Variants in PAAF1 observed in about 807,000 individuals in gnomAD.
The protein encoded by PAAF1 is proteasomal ATPase associated factor 1.
In PAAF1, 46 loss-of-function variants were observed where a neutral mutation model predicts 52.8. That is an observed-to-expected ratio of 0.87 (90% CI 0.69 to 1.11). The LOEUF is 1.11. PAAF1 is among the 50% of genes most tolerant of loss of function. The pLI is 0.00. For missense variants in PAAF1, 424 were observed against 477.4 expected (o/e 0.89, Z 1.04); for synonymous variants, 178 against 172.8 (o/e 1.03, Z -0.24).
In PAAF1 at chr11:73,916,622, A is replaced by ATTTG. The variant is rs765867314; in HGVS notation, c.897_898insTTTG (p.Asp300PhefsTer40). On this transcript the variant is annotated frameshift_variant, in exon 9 of 12. Coordinates refer to ENST00000310571, the MANE Select transcript of PAAF1 (RefSeq NM_025155.3). LOFTEE classifies it high-confidence loss of function. ...GCTTCTTGCTATTGGCTGGGACTCA[A>ATTTG]GATGGAAACATTTATCAGCTGGATG... 3.1e-6 allele frequency: 5 copies of ATTTG among 1,614,142 alleles called. No individual in the cohort carries two copies. The highest frequency in any genetic ancestry group is 3.4e-6 in the Non-Finnish European group (4 of 1,179,980).
rs748778602 is a variant in PAAF1 at position 73,927,383 on chromosome 11, C to T, written c.*21C>T. On this transcript the variant is annotated 3_prime_UTR_variant, in exon 12 of 12. Coordinates refer to ENST00000310571, the MANE Select transcript of PAAF1 (RefSeq NM_025155.3). The stretch of plus-strand genomic sequence containing the variant: ...TCTGACTTCTTGGAAAGAGCAGTCC[C>T]GGTTAGTGAAAAGGTTTGACCCTGA... 3.1e-6 allele frequency: 5 copies of T among 1,599,922 alleles called. No individual in the cohort carries two copies. The highest frequency in any genetic ancestry group is 1.1e-5 in the South Asian group (1 of 90,702).
intron 9 of PAAF1, among the ~76,000 whole-genome samples, chr11:73,918,568 C>T (rs1403232459): frequency 6.6e-6 from 1 of 151,254 alleles, no homozygotes; most frequent in Non-Finnish European, 1.5e-5. Context: ...GCTCCACCTC[C>T]CGGGTTCCCG....
intron 7 of PAAF1, among the ~76,000 whole-genome samples, chr11:73,912,918 G>A (rs1025948968): frequency 4.6e-5 from 7 of 151,826 alleles, no homozygotes; most frequent in Non-Finnish European, 8.8e-5. Context: ...TCCCTCTTTT[G>A]CCAGGCTGAA....
At chr11:73,888,388 A>C (rs1319506488) in intron 3 of PAAF1, among the ~76,000 whole-genome samples, 1 of 152,224 alleles carries the variant, frequency 6.6e-6, no homozygotes, top group African/African-American at 2.4e-5. Flanking sequence ...AAGAGCCTAC[A>C]TTAATAGTAC....
chr11:73,899,217 C>A lies in PAAF1; in HGVS notation c.354C>A (p.Ile118=). 1 of 1,614,000 alleles carries A rather than the reference C, an allele frequency of 6.2e-7. No homozygotes were observed. The highest frequency in any genetic ancestry group is 8.5e-7 in the Non-Finnish European group (1 of 1,179,974). Residue 118 remains isoleucine, a synonymous_variant, in exon 5 of 12, where the codon ATC becomes ATA. Transcript: ENST00000310571. Reference sequence around the variant, plus strand: ...CTAGTACTGACGGGACCATGAAAATCTGGCAGGCTTCCAATGGAGAACTCA... The same window carrying A: ...CTAGTACTGACGGGACCATGAAAATATGGCAGGCTTCCAATGGAGAACTCA... The part of the protein sequence containing the change: ...VSSSTDGTMK[I]WQASNGELRR...
intron 3 of PAAF1, among the ~76,000 whole-genome samples, chr11:73,890,531 T>C (rs1949170058): frequency 1.3e-5 from 2 of 152,180 alleles, no homozygotes; most frequent in African/African-American, 4.8e-5. Context: ...TAGGAGGGAA[T>C]AGGCACCGTA....
At chr11:73,908,237 ATATATATGTGTATATATATG>A (rs1949812954) in intron 6 of PAAF1, among the ~76,000 whole-genome samples, 1 of 148,756 alleles carries the variant, frequency 6.7e-6, no homozygotes, top group South Asian at 2.1e-4. Context: ...ATATGTGTGT[ATATATATGTGTATATATATG>A]TATATATGTG....
intron 11 of PAAF1, among the ~76,000 whole-genome samples, chr11:73,926,050 T>A (rs546460119): frequency 6.6e-6 from 1 of 152,344 alleles, no homozygotes; most frequent in African/African-American, 2.4e-5. Flanking sequence ...GACTTTTTTT[T>A]AATTACCATC....
chr11:73,906,348 G>A (rs185262005), intron 6 of PAAF1, among the ~76,000 whole-genome samples: 5 of 152,262 alleles, frequency 3.3e-5, no homozygotes, highest in Admixed American at 3.3e-4. Context: ...TGCCTCTCGG[G>A]TTCAAGTGAT....
chr11:73,912,096 T>C, intron 7 of PAAF1, among the ~76,000 whole-genome samples: 1 of 152,192 alleles, frequency 6.6e-6, no homozygotes, highest in Non-Finnish European at 1.5e-5. Context: ...CATTGACTGC[T>C]ACTTCTTAAA....
chr11:73,882,934 C>T (rs1948958622), intron 2 of PAAF1, among the ~76,000 whole-genome samples: 1 of 151,390 alleles, frequency 6.6e-6, no homozygotes, highest in Non-Finnish European at 1.5e-5. Context: ...GGGTCTTGCC[C>T]TGTTGCCCAG....
In PAAF1 at chr11:73,922,931, A is replaced by T. The variant is rs1387351824; in HGVS notation, c.1019-1684A>T. On this transcript the variant is annotated intron_variant, in intron 10 of 11. Coordinates refer to ENST00000310571, the MANE Select transcript of PAAF1 (RefSeq NM_025155.3). ...CAGATGAAACAAAATAAAAAACAAAATTTTTTGATGCAAATTGCCAAACAT... is the reference window on the plus strand; with the variant it reads ...CAGATGAAACAAAATAAAAAACAAATTTTTTTGATGCAAATTGCCAAACAT... Among the ~76,000 whole-genome samples the T allele has an allele frequency of 2.0e-5, 3 of 152,154 alleles. 1 individual carries two copies. Among genetic ancestry groups the T allele is most frequent in the African/African-American group, 4.8e-5 (2 of 41,436 alleles).
chr11:73,879,255 A>G (rs1948827126), intron 2 of PAAF1: 1 of 152,490 alleles, frequency 6.6e-6, no homozygotes, highest in African/African-American at 2.4e-5. Flanking sequence ...CTGAAGTCCA[A>G]AACCAAGCTA....
At chr11:73,917,089 C>T (rs1184862195) in intron 9 of PAAF1, among the ~76,000 whole-genome samples, 1 of 152,132 alleles carries the variant, frequency 6.6e-6, no homozygotes, top group African/African-American at 2.4e-5. Context: ...GGTGCTATCT[C>T]GGCTTACTGC....
At position 73,899,134 on chromosome 11, in the gene PAAF1, C is replaced by G. The variant is rs1189865426; in HGVS notation, c.283-12C>G. ...TTATTTCTAACACATTGTTTGTTTT[C>G]TCTTTGAACAGATAACATGCCTGGA... On this transcript the variant is annotated splice_polypyrimidine_tract_variant and intron_variant, in intron 4 of 11. Coordinates refer to ENST00000310571, the MANE Select transcript of PAAF1 (RefSeq NM_025155.3). 2 of 1,601,306 alleles carry G rather than the reference C, an allele frequency of 1.2e-6. No homozygotes were observed. The highest frequency in any genetic ancestry group is 1.7e-6 in the Non-Finnish European group (2 of 1,168,844).
chr11:73,876,897 G>T, upstream of PAAF1: 1 of 1,042,580 alleles, frequency 9.6e-7, no homozygotes, highest in South Asian at 2.1e-5. Context: ...CGGGGAATGT[G>T]AAAAAGTCAC....
intron 4 of PAAF1, among the ~76,000 whole-genome samples, chr11:73,896,857 C>A (rs1016195881): frequency 1.1e-4 from 17 of 151,812 alleles, no homozygotes; most frequent in African/African-American, 4.1e-4. Context: ...GGGCTCCTCA[C>A]TTCCCAGTAG....
chr11:73,917,831 ACTGGACT>A (rs1283726220), intron 9 of PAAF1, among the ~76,000 whole-genome samples: 2 of 151,482 alleles, frequency 1.3e-5, no homozygotes, highest in African/African-American at 2.4e-5. Flanking sequence ...AGATCGTGCC[ACTGGACT>A]CCAGCCTGGG....
intron 6 of PAAF1, among the ~76,000 whole-genome samples, chr11:73,902,130 G>A (rs922184461): frequency 6.6e-6 from 1 of 152,110 alleles, no homozygotes; most frequent in Admixed American, 6.6e-5. Context: ...CCAAAGTGCT[G>A]GGATTACAGG....
Sources: allele counts gnomAD v4.1 joint callset (sites outside exome capture counted in the v4.1 genomes callset), GRCh38; gene constraint gnomAD v4.1.1; transcripts MANE v1.5; gene names NCBI Gene and HGNC (gene_info 2026-07-23, HGNC 2026-07-21).